Variants in PSD3 observed in about 807,000 individuals in gnomAD.
PSD3 encodes pleckstrin and Sec7 domain containing 3.
In PSD3, 49 loss-of-function variants were observed where a neutral mutation model predicts 105.5. The observed-to-expected ratio is 0.46, with a 90% CI of 0.37 to 0.59. The LOEUF (loss-of-function observed/expected upper bound fraction) is 0.59. PSD3 is among the 20% of genes least tolerant of loss of function. The pLI, the probability that PSD3 is intolerant of heterozygous loss-of-function variation, is 0.00. For missense variants in PSD3, 1,561 were observed against 1,263.8 expected, an observed-to-expected ratio of 1.24 and a Z score of -3.57; for synonymous variants, 557 against 457.8, an observed-to-expected ratio of 1.22 and a Z score of -2.77.
At chr8:19,033,729 G>T (rs1380294037) in intron 1 of PSD3, among the ~76,000 whole-genome samples, 1 of 151,898 alleles carries the variant, frequency 6.6e-6, no homozygotes, top group Non-Finnish European at 1.5e-5. Context: ...AGCACTCCCA[G>T]GAATTGAAGT....
At chr8:18,625,100 C>G (rs1205731875) in intron 11 of PSD3, among the ~76,000 whole-genome samples, 1 of 151,730 alleles carries the variant, frequency 6.6e-6, no homozygotes, top group African/African-American at 2.4e-5. Context: ...CCCACATGTT[C>G]TTCTAAAAAT....
intron 1 of PSD3, chr8:18,989,339 C>A (rs1373988045): frequency 6.6e-6 from 1 of 152,036 alleles, no homozygotes; most frequent in Non-Finnish European, 1.5e-5. Context: ...TTTCATGGGT[C>A]CTTCAGAATG....
At chr8:18,582,970 G>A (rs1482661780) in intron 12 of PSD3, among the ~76,000 whole-genome samples, 2 of 151,862 alleles carry the variant, frequency 1.3e-5, no homozygotes, top group Non-Finnish European at 1.5e-5. Flanking sequence ...GGATTTTACA[G>A]GCACGTGCCA....
chr8:18,800,378 C>T (rs1810573520), intron 7 of PSD3, among the ~76,000 whole-genome samples: 1 of 152,204 alleles, frequency 6.6e-6, no homozygotes, highest in African/African-American at 2.4e-5. Context: ...TGACTGCAGC[C>T]TTGGACATGG....
In PSD3 at chr8:18,601,478, CTT is replaced by C. The variant is rs544191732; in HGVS notation, c.2411-1046_2411-1045del. On this transcript the variant is annotated intron_variant, in intron 11 of 15. Transcript: ENST00000327040. ...ATTGTCAACCAAATCCTTTAAATCT[CTT>C]TTGACTGAATACTCAAGAATTCTTA... is the stretch of plus-strand genomic sequence containing the variant. Among the ~76,000 whole-genome samples, 282 of 152,260 alleles carry C rather than the reference CTT, an allele frequency of 1.9e-3. 1 individual carries two copies. Among genetic ancestry groups the C allele is most frequent in the Middle Eastern group, 6.8e-3 (2 of 294 alleles).
chr8:18,566,712 A>G (rs1801788618), intron 14 of PSD3, among the ~76,000 whole-genome samples: 1 of 152,102 alleles, frequency 6.6e-6, no homozygotes, highest in Non-Finnish European at 1.5e-5. Flanking sequence ...CTTACATGAT[A>G]CTGCAGGATA....
chr8:19,003,565 C>G (rs984985797), intron 1 of PSD3, among the ~76,000 whole-genome samples: 6 of 151,920 alleles, frequency 3.9e-5, no homozygotes, highest in Non-Finnish European at 5.9e-5. Context: ...TCATGGAGAT[C>G]TGTGTGACTA....
At chr8:18,954,894 T>C (rs1477607491) in intron 1 of PSD3, among the ~76,000 whole-genome samples, 1 of 152,054 alleles carries the variant, frequency 6.6e-6, no homozygotes, top group Non-Finnish European at 1.5e-5. Context: ...TCATCCCAAG[T>C]TCAATGAACT....
At chr8:18,661,863 C>T (rs906302341) in intron 9 of PSD3, among the ~76,000 whole-genome samples, 3 of 152,120 alleles carry the variant, frequency 2.0e-5, no homozygotes, top group Non-Finnish European at 2.9e-5. Flanking sequence ...TGTGTTCTCC[C>T]GTACCCACTG....
chr8:18,967,753 A>G (rs1025614070), intron 1 of PSD3, among the ~76,000 whole-genome samples: 1 of 152,224 alleles, frequency 6.6e-6, no homozygotes, highest in Non-Finnish European at 1.5e-5. Flanking sequence ...AGCTGCCAAA[A>G]GAGTCACATG....
intron 15 of PSD3, among the ~76,000 whole-genome samples, chr8:18,544,171 CAAAAAAAAAAAAAAAAAA>C (rs201016537): frequency 0.58 from 63,383 of 108,424 alleles, 16,634 homozygotes; most frequent in Admixed American, 0.71. Context: ...AGAAACAAAC[CAAAAAAAAAAAAAAAAAA>C]AAAAAAAAAC....
At chr8:18,914,662 G>T (rs191774885) in intron 2 of PSD3, among the ~76,000 whole-genome samples, 91 of 152,254 alleles carry the variant, frequency 6.0e-4, no homozygotes, top group Non-Finnish European at 1.1e-3. Flanking sequence ...CCAAGAGAGT[G>T]AATGACCTAT....
rs7001333 is a variant in PSD3 at position 18,545,570 on chromosome 8, C to A, written c.2929-9612G>T. Among the ~76,000 whole-genome samples the A allele has an allele frequency of 5.1e-3, 784 of 152,298 alleles. 13 individuals carry two copies. The highest frequency in any genetic ancestry group is 0.018 in the African/African-American group (731 of 41,560). Reference sequence around the variant, plus strand: ...ATCTGGGCTAAAGAGGTACTGCTATCTGGGTAAGAGACTAAATTTTGCCTA... The same window carrying A: ...ATCTGGGCTAAAGAGGTACTGCTATATGGGTAAGAGACTAAATTTTGCCTA... On this transcript the variant is annotated intron_variant, in intron 15 of 15. Coordinates refer to ENST00000327040, the MANE Select transcript of PSD3 (RefSeq NM_015310.4).
chr8:18,957,801 G>A (rs1554552590), intron 1 of PSD3, among the ~76,000 whole-genome samples: 1 of 152,154 alleles, frequency 6.6e-6, no homozygotes, highest in African/African-American at 2.4e-5. Flanking sequence ...AGTTAATAAT[G>A]AATGCACTTG....
rs991320478 is a variant in PSD3 at position 18,979,188 on chromosome 8, T to A, written c.21+34375A>T. Among the ~76,000 whole-genome samples the A allele has an allele frequency of 2.6e-5, 4 of 151,984 alleles. No homozygotes were observed. In the East Asian group the frequency reaches 7.7e-4, roughly 29 times the overall value. Reference sequence around the variant, plus strand: ...AAGACACTGGGGGGCGGCCAGCACATAGCCATCTTTGTTGTATTTTTCATT... The same window carrying A: ...AAGACACTGGGGGGCGGCCAGCACAAAGCCATCTTTGTTGTATTTTTCATT... On this transcript the variant is annotated intron_variant, in intron 1 of 15. Coordinates refer to ENST00000327040, the MANE Select transcript of PSD3 (RefSeq NM_015310.4).
At chr8:18,900,450 C>T (rs998821226) in intron 2 of PSD3, among the ~76,000 whole-genome samples, 4 of 152,118 alleles carry the variant, frequency 2.6e-5, no homozygotes, top group Admixed American at 6.5e-5. Context: ...CAGGTGACCA[C>T]AGCTGCAGAC....
chr8:18,728,438 C>G (rs573206447), intron 9 of PSD3, among the ~76,000 whole-genome samples: 2 of 152,302 alleles, frequency 1.3e-5, no homozygotes, highest in African/African-American at 2.4e-5. Context: ...GAGGAAGGGA[C>G]AGCTAACGGA....
intron 2 of PSD3, among the ~76,000 whole-genome samples, chr8:18,894,946 G>T (rs1819042631): frequency 6.6e-6 from 1 of 152,180 alleles, no homozygotes; most frequent in Admixed American, 6.5e-5. Flanking sequence ...GAGATTTTGG[G>T]TACTCTGTCC....
In PSD3 at chr8:18,704,465, G is replaced by C. The variant is rs938510554; in HGVS notation, c.2173-48780C>G. On this transcript the variant is annotated intron_variant, in intron 9 of 15. Coordinates refer to ENST00000327040, the MANE Select transcript of PSD3 (RefSeq NM_015310.4). ...TGATTCTCCTGTCTCACCCTCCCCAGTAGCTAGGATTACAGGGACGTGCCA... is the reference window on the plus strand; with the variant it reads ...TGATTCTCCTGTCTCACCCTCCCCACTAGCTAGGATTACAGGGACGTGCCA... Among the ~76,000 whole-genome samples the C allele has an allele frequency of 2.6e-5, 4 of 152,250 alleles. No homozygotes were observed. In the East Asian group the frequency reaches 7.7e-4, roughly 29 times the overall value.
Sources: gnomAD v4.1 joint callset for allele counts (sites outside exome capture counted in the v4.1 genomes callset) on GRCh38, gnomAD v4.1.1 for gene constraint, MANE v1.5 for transcripts, NCBI Gene and HGNC (gene_info 2026-07-23, HGNC 2026-07-21) for gene names.